DLG2: variants seen among roughly 807,000 people sequenced by gnomAD.
The protein encoded by DLG2 is discs large MAGUK scaffold protein 2.
Under a neutral mutation model 132.5 loss-of-function variants are expected in DLG2, and 45 were observed. The observed-to-expected ratio is 0.34, with a 90% CI of 0.27 to 0.44. The LOEUF (loss-of-function observed/expected upper bound fraction) is 0.44, where lower values mean the gene tolerates loss of function less well. DLG2 is among the 20% of genes least tolerant of loss of function. The pLI, the probability that DLG2 is intolerant of heterozygous loss-of-function variation, is 1.00. For missense variants in DLG2, 1,045 were observed against 1,196.9 expected, an observed-to-expected ratio of 0.87 and a Z score of 1.87; for synonymous variants, 424 against 419.6, an observed-to-expected ratio of 1.01 and a Z score of -0.13.
intron 3 of DLG2, among the ~76,000 whole-genome samples, chr11:85,326,425 C>G (rs1391576717): frequency 5.2e-5 from 6 of 114,854 alleles, no homozygotes; most frequent in Non-Finnish European, 1.1e-4. Context: ...GCGGATCTCT[C>G]GGCAGAAACC....
At chr11:83,879,109 C>G (rs1306393583) in intron 15 of DLG2, among the ~76,000 whole-genome samples, 1 of 152,102 alleles carries the variant, frequency 6.6e-6, no homozygotes, top group Non-Finnish European at 1.5e-5. Flanking sequence ...AATTTTTGAG[C>G]ATCTGAATTG....
chr11:83,837,504 A>G (rs1347132939), intron 16 of DLG2, among the ~76,000 whole-genome samples: 1 of 152,114 alleles, frequency 6.6e-6, no homozygotes, highest in Non-Finnish European at 1.5e-5. Flanking sequence ...CTCTCGGCAT[A>G]GCACTACTGA....
chr11:83,883,998 G>GCTCCGGTATACAT lies in DLG2; in HGVS notation c.1497-9511_1497-9510insATGTATACCGGAG, dbSNP rs372532513. Among the ~76,000 whole-genome samples, 641 of 152,294 alleles carry GCTCCGGTATACAT rather than the reference G, an allele frequency of 4.2e-3. 6 individuals carry two copies. The highest frequency in any genetic ancestry group is 0.014 in the African/African-American group (581 of 41,582). On this transcript the variant is annotated intron_variant, in intron 15 of 27. Transcript: ENST00000376104. ...CGAATAGGAACAGCTCCGGTCTACAGCTCCCAGCGTGAGTGACGCAGAAGA... is the reference window on the plus strand; with the variant it reads ...CGAATAGGAACAGCTCCGGTCTACAGCTCCGGTATACATCTCCCAGCGTGAGTGACGCAGAAGA...
At chr11:84,214,318 T>C (rs1378148228) in intron 8 of DLG2, among the ~76,000 whole-genome samples, 1 of 146,700 alleles carries the variant, frequency 6.8e-6, no homozygotes, top group African/African-American at 2.6e-5. Context: ...TCTATACATG[T>C]TTATATATGT....
chr11:85,542,823 A>C (rs979549862), intron 3 of DLG2, among the ~76,000 whole-genome samples: 2 of 152,236 alleles, frequency 1.3e-5, no homozygotes, highest in Non-Finnish European at 2.9e-5. Context: ...GCATTTATTT[A>C]AAAACAAATG....
chr11:85,153,071 T>C (rs1483049991), intron 5 of DLG2, among the ~76,000 whole-genome samples: 1 of 152,164 alleles, frequency 6.6e-6, no homozygotes, highest in Non-Finnish European at 1.5e-5. Context: ...TATATAACTA[T>C]CCCATTTCAT....
chr11:84,833,207 G>GC (rs1566088530), intron 6 of DLG2, among the ~76,000 whole-genome samples: 1 of 151,426 alleles, frequency 6.6e-6, no homozygotes, highest in Non-Finnish European at 1.5e-5. Context: ...AGTGCCCTCT[G>GC]CCCCCAACCC....
chr11:83,624,969 G>A (rs1051660821), intron 19 of DLG2, among the ~76,000 whole-genome samples: 1 of 152,078 alleles, frequency 6.6e-6, no homozygotes, highest in African/African-American at 2.4e-5. Flanking sequence ...CCCCCACTAA[G>A]TTTTTAAGAG....
Position 83,755,509 on chromosome 11 carries a change from T to C in DLG2, c.1825+31181A>G, listed in dbSNP as rs897030367. 3.3e-5 allele frequency among the ~76,000 whole-genome samples: 5 copies of C among 151,314 alleles called. No homozygotes were observed. In the East Asian group the frequency reaches 9.6e-4, roughly 29 times the overall value. Reference sequence around the variant, plus strand: ...TAAGTTCATTAACAAAGGGTAAATATAGGAATGTTTTATTACTTTCCCAGA... The same window carrying C: ...TAAGTTCATTAACAAAGGGTAAATACAGGAATGTTTTATTACTTTCCCAGA... On this transcript the variant is annotated intron_variant, in intron 18 of 27. Coordinates refer to ENST00000376104, the MANE Select transcript of DLG2 (RefSeq NM_001142699.3).
At chr11:84,364,453 C>T (rs988583795) in intron 7 of DLG2, among the ~76,000 whole-genome samples, 3 of 152,140 alleles carry the variant, frequency 2.0e-5, no homozygotes, top group Non-Finnish European at 4.4e-5. Flanking sequence ...ATGTCATCTG[C>T]AAACAGGGAC....
chr11:84,714,639 C>CTT (rs2060969020), intron 6 of DLG2, among the ~76,000 whole-genome samples: 1 of 141,502 alleles, frequency 7.1e-6, no homozygotes, highest in Non-Finnish European at 1.5e-5. Context: ...CTCTCTCTCT[C>CTT]TCTCTCTTTC....
intron 16 of DLG2, among the ~76,000 whole-genome samples, chr11:83,847,683 G>A (rs541852817): frequency 1.3e-5 from 2 of 152,138 alleles, no homozygotes; most frequent in Non-Finnish European, 2.9e-5. Flanking sequence ...GAATCGCCAC[G>A]ATCCCTTCCA....
At position 83,498,822 on chromosome 11, in the gene DLG2, A is replaced by C. The variant is rs187738292; in HGVS notation, c.2194-14594T>G. On this transcript the variant is annotated intron_variant, in intron 21 of 27. Transcript: ENST00000376104. ...GATGAAATTGATTAACCTTAGCTAG[A>C]CTGACCAAGAAAACAAAGATTTACA... Among the ~76,000 whole-genome samples the C allele has an allele frequency of 6.6e-3, 998 of 151,720 alleles. 9 individuals are homozygous for C. Among genetic ancestry groups the C allele is most frequent in the Non-Finnish European group, 6.7e-3 (457 of 67,818 alleles).
intron 3 of DLG2, among the ~76,000 whole-genome samples, chr11:85,397,550 C>G (rs2087532358): frequency 6.6e-6 from 1 of 151,786 alleles, no homozygotes; most frequent in Admixed American, 6.6e-5. Flanking sequence ...TGTGCAAAGA[C>G]AAAAATAGGC....
chr11:84,758,578 T>C (rs1376014224), intron 6 of DLG2, among the ~76,000 whole-genome samples: 2 of 152,296 alleles, frequency 1.3e-5, no homozygotes, highest in East Asian at 3.9e-4. Flanking sequence ...TTTCTTACCC[T>C]ATAGTTTTCT....
chr11:84,073,393 T>C (rs374400280), intron 10 of DLG2, among the ~76,000 whole-genome samples: 1 of 151,530 alleles, frequency 6.6e-6, no homozygotes, highest in African/African-American at 2.4e-5. Flanking sequence ...ACAAACACAA[T>C]TGATCACCAA....
chr11:83,949,641 T>C (rs967239288), intron 14 of DLG2, among the ~76,000 whole-genome samples: 2 of 152,142 alleles, frequency 1.3e-5, no homozygotes, highest in East Asian at 3.9e-4. Flanking sequence ...TAGGATACAA[T>C]GTAGTATTAT....
intron 4 of DLG2, among the ~76,000 whole-genome samples, chr11:85,208,953 T>A (rs1005270761): frequency 8.5e-5 from 13 of 152,086 alleles, no homozygotes; most frequent in African/African-American, 2.4e-4. Context: ...TCAACCGTAC[T>A]CCCCTATCTA....
At chr11:85,453,591 G>A (rs1024099921) in intron 3 of DLG2, 2 of 154,498 alleles carry the variant, frequency 1.3e-5, no homozygotes, top group African/African-American at 2.4e-5. Context: ...TCAATGGAGA[G>A]TTTAGTCAGG....
Sources: allele counts gnomAD v4.1 joint callset (sites outside exome capture counted in the v4.1 genomes callset), GRCh38; gene constraint gnomAD v4.1.1; transcripts MANE v1.5; gene names NCBI Gene and HGNC (gene_info 2026-07-23, HGNC 2026-07-21).